The following TRIM37 variants were observed in gnomAD, a reference collection of about 807,000 sequenced individuals.
The protein encoded by TRIM37 is E3 ubiquitin-protein ligase TRIM37.
A neutral mutation model predicts 129.8 loss-of-function variants in TRIM37; 80 were observed. That is an observed-to-expected ratio of 0.62 (90% CI 0.51 to 0.74). The LOEUF is 0.74. Ranked by LOEUF, TRIM37 falls within the 30% of genes least tolerant of loss-of-function variation. The probability of loss-of-function intolerance (pLI) is 0.00; values close to 1 mark genes in which losing one functional copy is unlikely to be tolerated. For missense variants in TRIM37, 1,054 were observed against 1,176.5 expected, an observed-to-expected ratio of 0.90 and a Z score of 1.52; for synonymous variants, 389 against 387.1, an observed-to-expected ratio of 1.00 and a Z score of -0.06.
intron 22 of TRIM37, among the ~76,000 whole-genome samples, chr17:59,006,774 A>G (rs1466250041): frequency 1.3e-5 from 2 of 152,124 alleles, no homozygotes; most frequent in Non-Finnish European, 2.9e-5. Context: ...CTGTAATCCC[A>G]GCTACTTGGG....
chr17:59,024,214 C>CAAAAAA (rs1237722939), intron 19 of TRIM37, among the ~76,000 whole-genome samples: 11 of 74,944 alleles, frequency 1.5e-4, no homozygotes, highest in African/African-American at 2.2e-4. Context: ...AATTCCGTAT[C>CAAAAAA]AAAAAAAAAA....
At chr17:59,102,817 C>T (rs887606905) in intron 2 of TRIM37, among the ~76,000 whole-genome samples, 2 of 152,048 alleles carry the variant, frequency 1.3e-5, no homozygotes, top group African/African-American at 4.8e-5. Context: ...TTAAGTGTTA[C>T]GGATAATACT....
intron 17 of TRIM37, among the ~76,000 whole-genome samples, chr17:59,041,197 A>G (rs1195486693): frequency 3.9e-5 from 6 of 152,248 alleles, no homozygotes; most frequent in Non-Finnish European, 1.5e-5. Flanking sequence ...AGTACTCATT[A>G]TATAAGTCAG....
intron 22 of TRIM37, among the ~76,000 whole-genome samples, chr17:59,004,650 A>G (rs1216242901): frequency 2.0e-5 from 3 of 152,324 alleles, no homozygotes; most frequent in East Asian, 3.9e-4. Flanking sequence ...ATAAAATGCT[A>G]TCAGTAACTG....
intron 22 of TRIM37, among the ~76,000 whole-genome samples, chr17:59,002,384 G>A (rs1405254945): frequency 6.6e-6 from 1 of 152,070 alleles, no homozygotes; most frequent in Non-Finnish European, 1.5e-5. Context: ...ACAGGTACAT[G>A]ACACCATGCC....
chr17:58,985,448 T>C (rs757876502), intron 24 of TRIM37, among the ~76,000 whole-genome samples: 2 of 152,224 alleles, frequency 1.3e-5, no homozygotes, highest in African/African-American at 2.4e-5. Context: ...GAACCCGACC[T>C]GCCAAGGACT....
chr17:59,002,848 A>G (rs1331848719), intron 22 of TRIM37, among the ~76,000 whole-genome samples: 1 of 152,020 alleles, frequency 6.6e-6, no homozygotes, highest in African/African-American at 2.4e-5. Context: ...AAGGGAATTA[A>G]AAGTGAGACT....
downstream of TRIM37, among the ~76,000 whole-genome samples, chr17:58,996,538 C>T (rs998709686): frequency 6.6e-6 from 1 of 150,414 alleles, no homozygotes; most frequent in East Asian, 1.9e-4. Flanking sequence ...AATCAACCTA[C>T]CACTTTGGGA....
At chr17:59,005,688 T>C (rs1383438227) in intron 22 of TRIM37, among the ~76,000 whole-genome samples, 1 of 152,206 alleles carries the variant, frequency 6.6e-6, no homozygotes, top group South Asian at 2.1e-4. Context: ...CTGGGTAGTA[T>C]GTGAATAATG....
rs756520835 is a variant in TRIM37, at chr17:59,090,390, C to CAT, written c.164+908_164+909dup. 1.4e-3 allele frequency among the ~76,000 whole-genome samples: 207 copies of CAT among 151,226 alleles called. 2 individuals are homozygous for CAT. The Middle Eastern group carries it at 0.017, about 13-fold the overall frequency. ...AAAAAGCATATGGGAATCACATACG[C>CAT]ATATATATATATAAATATAGGCACA... is the stretch of plus-strand genomic sequence containing the variant. On this transcript the variant is annotated intron_variant, in intron 3 of 23. Transcript: ENST00000262294.
At chr17:59,050,440 C>T (rs1310092049) in intron 14 of TRIM37, among the ~76,000 whole-genome samples, 3 of 152,174 alleles carry the variant, frequency 2.0e-5, no homozygotes, top group African/African-American at 7.2e-5. Context: ...CACCTGTAAT[C>T]CCAGCACTTT....
chr17:59,074,143 A>G (rs897827390), intron 8 of TRIM37, among the ~76,000 whole-genome samples: 3 of 152,360 alleles, frequency 2.0e-5, no homozygotes, highest in Middle Eastern at 3.4e-3. Context: ...GCTTTGTGCT[A>G]CTACATTACA....
intron 15 of TRIM37, 108 bp from the exon 16 acceptor site, chr17:59,047,927 A>C: frequency 7.2e-7 from 1 of 1,381,530 alleles, no homozygotes. Context: ...AGTTTTCAAA[A>C]ATCTATTTTC....
chr17:59,013,204 T>C (rs1222658637), intron 21 of TRIM37, among the ~76,000 whole-genome samples: 1 of 152,170 alleles, frequency 6.6e-6, no homozygotes, highest in African/African-American at 2.4e-5. Flanking sequence ...AGTGCAGTGA[T>C]GTGATCTCAG....
chr17:58,974,625 G>A, the TRIM37 span, among the ~76,000 whole-genome samples: 1 of 151,932 alleles, frequency 6.6e-6, no homozygotes, highest in Non-Finnish European at 1.5e-5. Context: ...ATATCTATAT[G>A]GGTGATATGT....
At chr17:59,104,437 TGAATCAA>T in intron 1 of TRIM37, 43 bp from the exon 2 acceptor site, 1 of 1,566,776 alleles carries the variant, frequency 6.4e-7, no homozygotes, top group Non-Finnish European at 8.8e-7. Flanking sequence ...TTTAGGCTAC[TGAATCAA>T]GAGTAAAAGG....
At chr17:59,100,115 T>C (rs1722845614) in intron 2 of TRIM37, among the ~76,000 whole-genome samples, 1 of 152,146 alleles carries the variant, frequency 6.6e-6, no homozygotes, top group East Asian at 1.9e-4. Flanking sequence ...TCTTTTGAAG[T>C]CCCCAGTGTC....
chr17:59,052,125 T>C (rs142038447), intron 13 of TRIM37, among the ~76,000 whole-genome samples: 112 of 151,956 alleles, frequency 7.4e-4, no homozygotes, highest in African/African-American at 2.7e-3. Context: ...TTATTTCAGC[T>C]TAGGTTAGGA....
intron 5 of TRIM37, among the ~76,000 whole-genome samples, chr17:59,081,726 G>A (rs919323355): frequency 6.6e-6 from 1 of 151,622 alleles, no homozygotes; most frequent in Non-Finnish European, 1.5e-5. Context: ...TGGCCAACAC[G>A]GCAAAAACAC....
Sources: gnomAD v4.1 joint callset for allele counts (sites outside exome capture counted in the v4.1 genomes callset) on GRCh38, gnomAD v4.1.1 for gene constraint, MANE v1.5 for transcripts, NCBI Gene and HGNC (gene_info 2026-07-23, HGNC 2026-07-21) for gene names.